EAPP: variants seen among roughly 807,000 people sequenced by gnomAD.
The protein encoded by EAPP is E2F-associated phosphoprotein.
A neutral mutation model predicts 34.3 loss-of-function variants in EAPP; 38 were observed. The ratio of observed to expected loss-of-function variants is 1.11; its 90% CI spans 0.85 to 1.45. The LOEUF (loss-of-function observed/expected upper bound fraction) is 1.45, where lower values mean the gene tolerates loss of function less well. EAPP is among the 40% of genes most tolerant of loss of function. The pLI is 0.00. For synonymous variants in EAPP, 113 were observed against 117.6 expected (o/e 0.96, Z 0.25); for missense variants, 338 against 343.7 (o/e 0.98, Z 0.13).
chr14:34,535,355 C>T (rs1407902526), intron 2 of EAPP, among the ~76,000 whole-genome samples: 1 of 151,490 alleles, frequency 6.6e-6, no homozygotes, highest in Admixed American at 6.6e-5. Context: ...GTCTCGAACT[C>T]CTGACCTCAG....
At chr14:34,526,744 A>G (rs1224232226) in intron 4 of EAPP, among the ~76,000 whole-genome samples, 2 of 151,262 alleles carry the variant, frequency 1.3e-5, no homozygotes. Flanking sequence ...AATTAGAAAC[A>G]AAAAAAACAA....
chr14:34,533,531 A>C lies in EAPP; in HGVS notation c.265T>G (p.Ser89Ala), dbSNP rs1262340512. 6.3e-7 allele frequency: 1 copy of C among 1,586,492 alleles called. No individual in the cohort carries two copies. The highest frequency in any genetic ancestry group is 8.5e-7 in the Non-Finnish European group (1 of 1,170,758). ...KLSSLGTGSS[S>A]GNGKVATAPT... ...GCTGTTGCAACTTTTCCATTTCCTG[A>C]GGAAGATCCTATTCAAACCAGAAGT... is the stretch of plus-strand genomic sequence containing the variant. Residue 89 changes from serine (S) to alanine (A), a missense_variant, in exon 3 of 6, where the codon TCA (serine) becomes GCA (alanine). By Grantham distance (99) the Ser-to-Ala change is moderately conservative (BLOSUM62 1). Transcript: ENST00000250454.
chr14:34,529,339 A>G lies in EAPP; in HGVS notation c.470+19T>C, dbSNP rs761475928. ...ATCTTTTTTTCTAAAGATTCTAAAT[A>G]TTAACTTTAAGTTCTTACCCCCTTC... On this transcript the variant is annotated intron_variant, in intron 4 of 5. Transcript: ENST00000250454. The G allele has an allele frequency of 2.7e-6, 4 of 1,501,886 alleles. No homozygotes were observed. The highest frequency in any genetic ancestry group is 1.8e-5 in the Admixed American group (1 of 55,188). The allele number at this position is 1,501,886 out of a possible 1,614,324, so 93.0% of individuals were successfully genotyped here. A position where few individuals can be genotyped will look rare whatever the true frequency, so the allele number is the denominator to read the frequency against.
chr14:34,529,743 C>T (rs1258939944), intron 3 of EAPP, among the ~76,000 whole-genome samples: 8 of 151,874 alleles, frequency 5.3e-5, no homozygotes, highest in Admixed American at 6.6e-5. Context: ...GGGCCAGGTG[C>T]GGTGGCTCAC....
intron 5 of EAPP, among the ~76,000 whole-genome samples, chr14:34,523,809 G>A (rs1172661436): frequency 1.3e-5 from 2 of 152,038 alleles, no homozygotes; most frequent in East Asian, 1.9e-4. Flanking sequence ...ATAGCACTGG[G>A]ATTACAGGCA....
chr14:34,520,063 T>A (rs967657354), intron 5 of EAPP, among the ~76,000 whole-genome samples: 1 of 151,726 alleles, frequency 6.6e-6, no homozygotes, highest in African/African-American at 2.4e-5. Context: ...TTTTTTATAT[T>A]TTTAGTAGAG....
Position 34,533,503 on chromosome 14 carries a change from G to A in EAPP, c.293C>T (p.Pro98Leu), listed in dbSNP as rs774200516. 2.3e-5 allele frequency: 36 copies of A among 1,597,446 alleles called. No individual in the cohort carries two copies. The highest frequency in any genetic ancestry group is 2.8e-5 in the Non-Finnish European group (33 of 1,175,352). The change falls in exon 3 of 6, where the codon CCG (proline) becomes CTG (leucine). Residue 98 changes from proline (P) to leucine (L), a missense_variant. Physicochemically the swap from Pro to Leu is moderately conservative, Grantham distance 98 (BLOSUM62 -3). Coordinates refer to ENST00000250454, the MANE Select transcript of EAPP (RefSeq NM_018453.4). The part of the protein sequence containing the change: ...SSGNGKVATA[P>L]TRYYDDIYFD... ...ATATATATCATCGTAGTACCTTGTC[G>A]GAGCTGTTGCAACTTTTCCATTTCC...
intron 5 of EAPP, among the ~76,000 whole-genome samples, chr14:34,523,077 T>C (rs1014400443): frequency 7.9e-5 from 12 of 152,072 alleles, no homozygotes; most frequent in African/African-American, 2.7e-4. Context: ...TGCTTTAAGT[T>C]TTTTTTACTT....
chr14:34,536,410 G>T, intron 1 of EAPP, 135 bp from the exon 2 acceptor site: 3 of 545,206 alleles, frequency 5.5e-6, no homozygotes, highest in South Asian at 6.9e-5. Flanking sequence ...ATTACATATA[G>T]CTATTCTCAC....
At chr14:34,524,101 T>C (rs12885982) in intron 5 of EAPP, among the ~76,000 whole-genome samples, 51,945 of 151,398 alleles carry the variant, frequency 0.34, 9,193 homozygotes, top group Non-Finnish European at 0.4. Flanking sequence ...ACTAAAAATA[T>C]AAAAATAAGG....
intron 3 of EAPP, among the ~76,000 whole-genome samples, chr14:34,532,372 T>C (rs2138901820): frequency 6.6e-6 from 1 of 151,574 alleles, no homozygotes; most frequent in East Asian, 2.0e-4. Flanking sequence ...GGCAGGAAAA[T>C]TGCTTGAACC....
chr14:34,539,593 C>T lies in EAPP; in HGVS notation c.36G>A (p.Ala12=). 1 of 1,596,386 alleles carries T rather than the reference C, an allele frequency of 6.3e-7. No individual in the cohort carries two copies. The highest frequency in any genetic ancestry group is 8.5e-7 in the Non-Finnish European group (1 of 1,170,176). ...GCTCCTCGTCGCTAGGCTCTTCAAC[C>T]GCGTAGGGGTCGTAGTCATCCGGAA... ...NRLPDDYDPY[A]VEEPSDEEPA... The change falls in exon 1 of 6, where the codon GCG becomes GCA. Residue 12 remains alanine, a synonymous_variant. Transcript: ENST00000250454.
At chr14:34,516,891 CAGTGTA>C (rs1402789754) in intron 5 of EAPP, among the ~76,000 whole-genome samples, 1 of 151,248 alleles carries the variant, frequency 6.6e-6, no homozygotes, top group African/African-American at 2.4e-5. Flanking sequence ...TAGTATGTAA[CAGTGTA>C]AGGAAGAAAT....
chr14:34,522,111 A>G (rs1021239425), intron 5 of EAPP, among the ~76,000 whole-genome samples: 10 of 152,090 alleles, frequency 6.6e-5, no homozygotes, highest in African/African-American at 2.4e-4. Context: ...AGCGTATGCC[A>G]AGACACCAAC....
chr14:34,537,134 C>T (rs1488505313), intron 1 of EAPP, among the ~76,000 whole-genome samples: 1 of 152,154 alleles, frequency 6.6e-6, no homozygotes, highest in African/African-American at 2.4e-5. Context: ...CCTCACCCTC[C>T]TGAGTAGCTG....
Position 34,529,468 on chromosome 14 carries a change from C to A in EAPP, c.360G>T (p.Val120=). ...DSEDEDRAVQ[V]TKKKKKKQHK... Reference sequence around the variant, plus strand: ...GTTGTTTCTTCTTTTTTTTCTTGGTCACCTGTACTAATTTTGAAAATATTA... The same window carrying A: ...GTTGTTTCTTCTTTTTTTTCTTGGTAACCTGTACTAATTTTGAAAATATTA... The change falls in exon 4 of 6, where the codon GTG becomes GTT. Residue 120 remains valine, a synonymous_variant. Coordinates refer to ENST00000250454, the MANE Select transcript of EAPP (RefSeq NM_018453.4). 6.2e-7 allele frequency: 1 copy of A among 1,605,696 alleles called. No homozygotes were observed.
intron 5 of EAPP, among the ~76,000 whole-genome samples, chr14:34,517,307 G>A (rs1384554420): frequency 1.4e-5 from 2 of 144,242 alleles, no homozygotes; most frequent in African/African-American, 5.2e-5. Context: ...GGAGTGCAAT[G>A]GCGTGATCTC....
chr14:34,537,096 C>T (rs117997614), intron 1 of EAPP, among the ~76,000 whole-genome samples: 84 of 152,080 alleles, frequency 5.5e-4, no homozygotes, highest in Admixed American at 2.2e-3. Flanking sequence ...CTGAAACTTC[C>T]GCCTCCCAGG....
At chr14:34,533,891 A>T (rs1880378008) in intron 2 of EAPP, among the ~76,000 whole-genome samples, 1 of 152,156 alleles carries the variant, frequency 6.6e-6, no homozygotes, top group African/African-American at 2.4e-5. Context: ...TCTAAGAAAC[A>T]TTAGGAGAAA....
Sources: allele counts gnomAD v4.1 joint callset (sites outside exome capture counted in the v4.1 genomes callset), GRCh38; gene constraint gnomAD v4.1.1; transcripts MANE v1.5; gene names NCBI Gene and HGNC (gene_info 2026-07-23, HGNC 2026-07-21).